CALD1: variants seen among roughly 807,000 people sequenced by gnomAD.
CALD1 encodes caldesmon.
A neutral mutation model predicts 99.9 loss-of-function variants in CALD1; 33 were observed. The observed-to-expected ratio is 0.33, with a 90% confidence interval of 0.25 to 0.44. The LOEUF (loss-of-function observed/expected upper bound fraction) is 0.44. Among genes scored for constraint, CALD1 ranks in the 20% least tolerant of loss-of-function variants. The probability of loss-of-function intolerance (pLI) is 1.00; values close to 1 mark genes in which losing one functional copy is unlikely to be tolerated. For synonymous variants in CALD1, 310 were observed against 325.0 expected (o/e 0.95, Z 0.50); for missense variants, 861 against 962.1 (o/e 0.89, Z 1.39).
intron 3 of CALD1, among the ~76,000 whole-genome samples, chr7:134,905,943 T>C (rs1443813966): frequency 6.7e-6 from 1 of 149,610 alleles, no homozygotes; most frequent in African/African-American, 2.5e-5. Context: ...TTTTTTTTTT[T>C]TTTGAGACAG....
At chr7:134,921,343 A>AT (rs1804607192) in intron 3 of CALD1, among the ~76,000 whole-genome samples, 1 of 152,206 alleles carries the variant, frequency 6.6e-6, no homozygotes, top group Non-Finnish European at 1.5e-5. Flanking sequence ...TGAGATCTTA[A>AT]TTTTTTCATA....
chr7:134,935,792 G>A lies in CALD1; in HGVS notation c.1386+27G>A, dbSNP rs550068952. 5.1e-5 allele frequency: 79 copies of A among 1,550,850 alleles called. No homozygotes were observed. In the East Asian group the frequency reaches 1.6e-3, roughly 31 times the overall value. ...TAAATATGATTGAAAAGTAATGATC[G>A]TAAAGCAACAGAAAAAGCAGTCAGT... On this transcript the variant is annotated intron_variant, in intron 6 of 14. Transcript: ENST00000361675.
chr7:134,928,617 C>T, intron 3 of CALD1, 137 bp from the exon 4 acceptor site: 1 of 722,872 alleles, frequency 1.4e-6, no homozygotes, highest in Non-Finnish European at 2.2e-6. Context: ...ACTTAAGGAA[C>T]TGAACCATCC....
intron 3 of CALD1, chr7:134,891,804 C>A: frequency 1.4e-6 from 1 of 732,918 alleles, no homozygotes; most frequent in Non-Finnish European, 2.2e-6. Context: ...AGACACCAGG[C>A]AGGAAAGGAA....
At chr7:134,728,815 A>G in the CALD1 span, among the ~76,000 whole-genome samples, 85 of 151,354 alleles carry the variant, frequency 5.6e-4, 1 homozygote, top group South Asian at 0.012. Flanking sequence ...CAAAAATCAC[A>G]GGAGGAACAA....
intron 3 of CALD1, among the ~76,000 whole-genome samples, chr7:134,873,834 A>G (rs1221813092): frequency 6.6e-6 from 1 of 152,252 alleles, no homozygotes; most frequent in Non-Finnish European, 1.5e-5. Context: ...TAAAAAGGTA[A>G]GACATGAAAG....
intron 1 of CALD1, among the ~76,000 whole-genome samples, chr7:134,748,405 T>C (rs1562988047): frequency 6.6e-6 from 1 of 152,176 alleles, no homozygotes. Flanking sequence ...AATGAATATA[T>C]TTTGCATGCA....
chr7:134,749,299 T>A (rs147582737), intron 1 of CALD1, among the ~76,000 whole-genome samples: 5 of 152,314 alleles, frequency 3.3e-5, no homozygotes, highest in African/African-American at 9.6e-5. Flanking sequence ...GACTCAAGGA[T>A]GCAGAGCAAG....
intron 1 of CALD1, among the ~76,000 whole-genome samples, chr7:134,842,606 C>A (rs771903745): frequency 6.6e-6 from 1 of 152,024 alleles, no homozygotes; most frequent in Non-Finnish European, 1.5e-5. Context: ...GTAAAGGATC[C>A]CTAATTTAAC....
At chr7:134,745,435 C>T (rs1796627658) in intron 1 of CALD1, 1 of 152,148 alleles carries the variant, frequency 6.6e-6, no homozygotes, top group Non-Finnish European at 1.5e-5. Flanking sequence ...CATTCCGCTA[C>T]TGGATTTAGT....
intron 4 of CALD1, 39 bp downstream of exon 4, chr7:134,928,939 T>C (rs766372361): frequency 6.5e-7 from 1 of 1,540,438 alleles, no homozygotes; most frequent in Non-Finnish European, 8.8e-7. Context: ...CTAACTTGCG[T>C]CTTAGCCTGT....
chr7:134,852,230 G>A (rs903615889), intron 2 of CALD1, among the ~76,000 whole-genome samples: 26 of 152,112 alleles, frequency 1.7e-4, no homozygotes, highest in Non-Finnish European at 2.8e-4. Context: ...AAAAATATAG[G>A]GGATTTGCAG....
intron 6 of CALD1, among the ~76,000 whole-genome samples, chr7:134,939,609 A>G (rs1806268025): frequency 1.3e-5 from 2 of 152,170 alleles, no homozygotes; most frequent in African/African-American, 4.8e-5. Flanking sequence ...CCCAAAGAAG[A>G]CAATCAAATG....
At chr7:134,888,213 G>A (rs1801972665) in intron 3 of CALD1, among the ~76,000 whole-genome samples, 1 of 152,230 alleles carries the variant, frequency 6.6e-6, no homozygotes, top group Non-Finnish European at 1.5e-5. Context: ...AGGATACTAT[G>A]AGTAATCTCA....
chr7:134,732,747 T>G, the CALD1 span, among the ~76,000 whole-genome samples: 2 of 152,240 alleles, frequency 1.3e-5, no homozygotes, highest in African/African-American at 4.8e-5. Context: ...CTCACTCCAG[T>G]TCTTTACTTA....
chr7:134,785,582 T>C (rs1696563352), intron 1 of CALD1, among the ~76,000 whole-genome samples: 1 of 152,214 alleles, frequency 6.6e-6, no homozygotes, highest in African/African-American at 2.4e-5. Flanking sequence ...CCCATCATGG[T>C]GTTTGTCAAG....
chr7:134,778,389 T>C (rs929141967), upstream of CALD1, among the ~76,000 whole-genome samples: 1 of 152,194 alleles, frequency 6.6e-6, no homozygotes, highest in Non-Finnish European at 1.5e-5. Flanking sequence ...AACCTCCCAT[T>C]TTTAAAGACC....
chr7:134,936,157 G>A (rs752931790), intron 6 of CALD1, among the ~76,000 whole-genome samples: 2 of 152,064 alleles, frequency 1.3e-5, no homozygotes, highest in East Asian at 1.9e-4. Flanking sequence ...TTTCAATCAT[G>A]AAATATTTCC....
At chr7:134,830,077 A>G (rs868610836) in intron 1 of CALD1, among the ~76,000 whole-genome samples, 9 of 138,196 alleles carry the variant, frequency 6.5e-5, no homozygotes, top group Non-Finnish European at 1.2e-4. Context: ...TTTGCTGAGG[A>G]AAAAAAAAAG....
Sources: gnomAD v4.1 joint callset for allele counts (sites outside exome capture counted in the v4.1 genomes callset) on GRCh38, gnomAD v4.1.1 for gene constraint, MANE v1.5 for transcripts, NCBI Gene and HGNC (gene_info 2026-07-23, HGNC 2026-07-21) for gene names.